ASB13: variants seen among roughly 807,000 people sequenced by gnomAD.
ASB13 encodes ankyrin repeat and SOCS box containing 13.
Under a neutral mutation model 28.8 loss-of-function variants are expected in ASB13, and 33 were observed. The ratio of observed to expected loss-of-function variants is 1.15; its 90% CI spans 0.87 to 1.53. The LOEUF (loss-of-function observed/expected upper bound fraction) is 1.53. Ranked by LOEUF, ASB13 falls within the 40% of genes most tolerant of loss-of-function variation. ASB13 has a pLI of 0.00. For missense variants in ASB13, 414 were observed against 390.1 expected (o/e 1.06, Z -0.52); for synonymous variants, 182 against 172.9 (o/e 1.05, Z -0.41).
rs752164416 is a variant in ASB13, at chr10:5,649,294, G to A, written c.383-190C>T. Among the ~76,000 whole-genome samples the A allele has an allele frequency of 2.6e-5, 4 of 152,164 alleles. No homozygotes were observed. The highest frequency in any genetic ancestry group is 4.4e-5 in the Non-Finnish European group (3 of 68,026). ...TCAGGAAGCCAGGACACGGCTCTGC[G>A]CCCCGCTGAGGACGGAGGGCTCAAG... is the stretch of plus-strand genomic sequence containing the variant. On this transcript the variant is annotated intron_variant, in intron 3 of 5. Transcript: ENST00000357700. The surrounding 1 kb of genome is among the most constrained non-coding windows in gnomAD (Gnocchi z 6.4).
Position 5,652,027 on chromosome 10 carries a change from CACACA to C in ASB13, c.232-669_232-665del, listed in dbSNP as rs1180637623. Among the ~76,000 whole-genome samples the C allele has an allele frequency of 8.5e-4, 1 of 1,182 alleles. No homozygotes were observed. The highest frequency in any genetic ancestry group is 3.1e-3 in the Non-Finnish European group (1 of 320). The allele number at this position is 1,182 out of a possible 152,430, so 0.8% of individuals were successfully genotyped here. On this transcript the variant is annotated intron_variant, in intron 2 of 5. Transcript: ENST00000357700. The surrounding 1 kb of genome is among the most constrained non-coding windows in gnomAD (Gnocchi z 5.0). ...AAAAAAAAAAAAAAAAAAAAAAAAC[CACACA>C]CACACACACACACACACACACACAC...
Position 5,645,411 on chromosome 10 carries a change from C to T in ASB13, c.518-3450G>A, listed in dbSNP as rs1006910212. Among the ~76,000 whole-genome samples the T allele has an allele frequency of 6.6e-6, 1 of 152,220 alleles. No individual in the cohort carries two copies. Among genetic ancestry groups the T allele is most frequent in the Admixed American group, 6.5e-5 (1 of 15,282 alleles). ...CACTCCTGGCAGAGTTCAACATTCA[C>T]TGTCAGTGATCAGATTAAAAATTAC... On this transcript the variant is annotated intron_variant, in intron 4 of 5. Coordinates refer to ENST00000357700, the MANE Select transcript of ASB13 (RefSeq NM_024701.4). This position sits in a 1 kb window ranked among gnomAD's most constrained non-coding sequence, Gnocchi z 5.4.
intron 1 of ASB13, among the ~76,000 whole-genome samples, chr10:5,654,427 C>T (rs533273105): frequency 6.6e-6 from 1 of 152,078 alleles, no homozygotes; most frequent in African/African-American, 2.4e-5. Context: ...ACCTGGAGGA[C>T]GAGTCAAGGA....
At chr10:5,646,218 C>T (rs1404621355) in intron 4 of ASB13, among the ~76,000 whole-genome samples, 2 of 152,210 alleles carry the variant, frequency 1.3e-5, no homozygotes, top group Non-Finnish European at 2.9e-5. Flanking sequence ...CCCCCACCCC[C>T]GACTGTGCTG....
At position 5,650,555 on chromosome 10, in the gene ASB13, G is replaced by C. The variant is rs78118943; in HGVS notation, c.382+658C>G. On this transcript the variant is annotated intron_variant, in intron 3 of 5. Transcript: ENST00000357700. The surrounding 1 kb of genome is among the most constrained non-coding windows in gnomAD (Gnocchi z 6.0). ...CCGGTCAAGATATAAGCCACAGTTT[G>C]CAACCTCTGCTCGAAAGAGTAGAAT... Among the ~76,000 whole-genome samples the C allele has an allele frequency of 7.2e-5, 11 of 152,342 alleles. No individual in the cohort carries two copies. In the East Asian group the frequency reaches 2.1e-3, roughly 29 times the overall value.
Position 5,661,801 on chromosome 10 carries a change from A to C in ASB13, c.43+4708T>G, listed in dbSNP as rs1201657128. Among the ~76,000 whole-genome samples, 2 of 152,178 alleles carry C rather than the reference A, an allele frequency of 1.3e-5. No homozygotes were observed. The highest frequency in any genetic ancestry group is 2.9e-5 in the Non-Finnish European group (2 of 68,022). ...GGCATGAGCCCCAGGCCCAGCCCAG[A>C]ATGCACTCTTAAATGTTGCTGGAGT... On this transcript the variant is annotated intron_variant, in intron 1 of 5. Coordinates refer to ENST00000357700, the MANE Select transcript of ASB13 (RefSeq NM_024701.4). The surrounding 1 kb of genome is among the most constrained non-coding windows in gnomAD (Gnocchi z 4.9).
rs1834807843 is a variant in ASB13 at position 5,641,582 on chromosome 10, G to T, written c.709+188C>A. Among the ~76,000 whole-genome samples, 1 of 152,232 alleles carries T rather than the reference G, an allele frequency of 6.6e-6. No homozygotes were observed. Among genetic ancestry groups the T allele is most frequent in the East Asian group, 1.9e-4 (1 of 5,180 alleles). On this transcript the variant is annotated intron_variant, in intron 5 of 5. Transcript: ENST00000357700. The surrounding 1 kb of genome is among the most constrained non-coding windows in gnomAD (Gnocchi z 8.4). ...GCTGCTCCACGCCACGGGCCACAGG[G>T]AACCCAGGGAGAGCTGGGGCAACAG...
chr10:5,665,874 C>CA (rs1455213693), intron 1 of ASB13, among the ~76,000 whole-genome samples: 1 of 152,030 alleles, frequency 6.6e-6, no homozygotes, highest in Non-Finnish European at 1.5e-5. Context: ...TCATAGGCAG[C>CA]AAAAAAATTT....
At position 5,660,436 on chromosome 10, in the gene ASB13, G is replaced by A. The variant is rs188800573; in HGVS notation, c.43+6073C>T. Among the ~76,000 whole-genome samples, 54 of 152,264 alleles carry A rather than the reference G, an allele frequency of 3.5e-4. No homozygotes were observed. The highest frequency in any genetic ancestry group is 5.6e-4 in the Non-Finnish European group (38 of 68,018). On this transcript the variant is annotated intron_variant, in intron 1 of 5. Transcript: ENST00000357700. This position sits in a 1 kb window ranked among gnomAD's most constrained non-coding sequence, Gnocchi z 6.1. The stretch of plus-strand genomic sequence containing the variant: ...CTGACCTGTCCTTTGAGATTAGGAA[G>A]CCCTGGCTGAACAGGTCAAGTGGCT...
In ASB13 at chr10:5,655,827, C is replaced by T. The variant is rs572124979; in HGVS notation, c.44-2777G>A. ...GCAGGGTAAGGCCTAGGTCTTGCAG[C>T]AAAAAAAGAAAGTGCATCTCAGGAG... On this transcript the variant is annotated intron_variant, in intron 1 of 5. Transcript: ENST00000357700. The surrounding 1 kb of genome is among the most constrained non-coding windows in gnomAD (Gnocchi z 6.2). Among the ~76,000 whole-genome samples the T allele has an allele frequency of 1.3e-3, 205 of 152,020 alleles. No homozygotes were observed. Among genetic ancestry groups the T allele is most frequent in the Middle Eastern group, 3.4e-3 (1 of 292 alleles).
rs565082906 is a variant in ASB13 at position 5,641,083 on chromosome 10, G to A, written c.710-253C>T. Reference sequence around the variant, plus strand: ...AGTTTGTTTGGTTTTGAGGTTTTTTGTTTTTTGTTTTTTGAGACAGAAAAA... The same window carrying A: ...AGTTTGTTTGGTTTTGAGGTTTTTTATTTTTTGTTTTTTGAGACAGAAAAA... On this transcript the variant is annotated intron_variant, in intron 5 of 5. Transcript: ENST00000357700. This position sits in a 1 kb window ranked among gnomAD's most constrained non-coding sequence, Gnocchi z 8.4. Among the ~76,000 whole-genome samples, 1 of 151,748 alleles carries A rather than the reference G, an allele frequency of 6.6e-6. No homozygotes were observed. The highest frequency in any genetic ancestry group is 2.4e-5 in the African/African-American group (1 of 41,418).
chr10:5,654,351 T>C (rs1239168342), intron 1 of ASB13, among the ~76,000 whole-genome samples: 1 of 152,054 alleles, frequency 6.6e-6, no homozygotes, highest in Non-Finnish European at 1.5e-5. Flanking sequence ...TTGGACCTGC[T>C]GAGCCATCTG....
chr10:5,665,114 C>T (rs1835237666), intron 1 of ASB13, among the ~76,000 whole-genome samples: 1 of 152,220 alleles, frequency 6.6e-6, no homozygotes, highest in African/African-American at 2.4e-5. Context: ...GCCTCGGCCT[C>T]CCAAAGTGCT....
chr10:5,643,244 CCGACAGTCT>C (rs1834836429), intron 4 of ASB13, among the ~76,000 whole-genome samples: 2 of 152,184 alleles, frequency 1.3e-5, no homozygotes, highest in African/African-American at 4.8e-5. Flanking sequence ...CCATCACTTC[CCGACAGTCT>C]CAGAGGGTCA....
At chr10:5,654,272 C>T (rs1449365990) in intron 1 of ASB13, among the ~76,000 whole-genome samples, 1 of 151,654 alleles carries the variant, frequency 6.6e-6, no homozygotes, top group African/African-American at 2.4e-5. Context: ...ACACTCTGCT[C>T]ACTCCCAAGA....
At position 5,649,049 on chromosome 10, in the gene ASB13, G is replaced by T. The variant is rs1354938839; in HGVS notation, c.438C>A (p.His146Gln). The change falls in exon 4 of 6, where the codon CAC becomes CAA. Residue 146 changes from histidine (H) to glutamine (Q), a missense_variant. By Grantham distance (24) the His-to-Gln change is conservative. Transcript: ENST00000357700. This position sits in a 1 kb window ranked among gnomAD's most constrained non-coding sequence, Gnocchi z 6.4. The stretch of plus-strand genomic sequence containing the variant: ...GCAGAGGGGTCCCAAAATGGCAATC[G>T]TGCGCTTCCAGATTGGCCCCGACGT... ...LIDVGANLEA[H>Q]DCHFGTPLHV... 1.9e-6 allele frequency: 3 copies of T among 1,614,256 alleles called. No individual in the cohort carries two copies. Among genetic ancestry groups the T allele is most frequent in the South Asian group, 1.1e-5 (1 of 91,084 alleles).
chr10:5,666,195 C>G (rs1835256334), intron 1 of ASB13, among the ~76,000 whole-genome samples: 1 of 152,184 alleles, frequency 6.6e-6, no homozygotes, highest in South Asian at 2.1e-4. Flanking sequence ...GCCCCGCACG[C>G]GTCCCGCACC....
At chr10:5,653,666 ATT>A (rs1835025448) in intron 1 of ASB13, among the ~76,000 whole-genome samples, 1 of 52,596 alleles carries the variant, frequency 1.9e-5, no homozygotes, top group Admixed American at 1.5e-4. Flanking sequence ...CCATTTATTT[ATT>A]TATTTATTTA....
intron 4 of ASB13, among the ~76,000 whole-genome samples, chr10:5,647,635 A>G (rs1294418422): frequency 6.6e-6 from 1 of 152,202 alleles, no homozygotes; most frequent in Admixed American, 6.5e-5. Context: ...TGTGATCTCT[A>G]GAAATAATCA....
Sources: allele counts gnomAD v4.1 joint callset (sites outside exome capture counted in the v4.1 genomes callset), GRCh38; gene constraint gnomAD v4.1.1; non-coding constraint Gnocchi (gnomAD v3.1); transcripts MANE v1.5; gene names NCBI Gene and HGNC (gene_info 2026-07-23, HGNC 2026-07-21).